The following RAB30 variants were observed in gnomAD, a reference collection of about 807,000 sequenced individuals.
The protein encoded by RAB30 is ras-related protein Rab-30.
Under a neutral mutation model 25.1 loss-of-function variants are expected in RAB30, and 9 were observed. The observed-to-expected ratio is 0.36, with a 90% CI of 0.22 to 0.63. The LOEUF is 0.63. Among genes scored for constraint, RAB30 ranks in the 20% least tolerant of loss-of-function variants. RAB30 has a pLI of 0.69. For synonymous variants in RAB30, 77 were observed against 86.4 expected (o/e 0.89, Z 0.60); for missense variants, 140 against 243.5 (o/e 0.58, Z 2.83).
intron 1 of RAB30, among the ~76,000 whole-genome samples, chr11:83,019,379 A>G (rs1197838952): frequency 6.6e-6 from 1 of 152,198 alleles, no homozygotes; most frequent in Non-Finnish European, 1.5e-5. Flanking sequence ...GCAAAAGTGA[A>G]GATGGAAATT....
At chr11:82,988,496 A>G (rs1856784628) in intron 3 of RAB30, among the ~76,000 whole-genome samples, 1 of 152,222 alleles carries the variant, frequency 6.6e-6, no homozygotes, top group South Asian at 2.1e-4. Flanking sequence ...CTTAAGTTCT[A>G]TGACCTTGGC....
At chr11:83,048,468 CAA>C (rs10650991) in intron 1 of RAB30, among the ~76,000 whole-genome samples, 15 of 119,422 alleles carry the variant, frequency 1.3e-4, no homozygotes, top group Admixed American at 3.5e-4. Flanking sequence ...GACACTGTCT[CAA>C]AAAAAAAAAA....
At chr11:82,982,552 C>T (rs1327216083) in intron 4 of RAB30, 137 bp from the exon 5 acceptor site, 5 of 950,954 alleles carry the variant, frequency 5.3e-6, no homozygotes, top group South Asian at 3.4e-5. Flanking sequence ...ACTGTGATTA[C>T]TGAAATGTTT....
intron 1 of RAB30, among the ~76,000 whole-genome samples, chr11:83,027,101 G>T (rs2121513232): frequency 6.6e-6 from 1 of 152,222 alleles, no homozygotes; most frequent in South Asian, 2.1e-4. Flanking sequence ...GCCTGTCTCT[G>T]GGGAGCACAA....
At chr11:83,022,920 A>T (rs893001523) in intron 1 of RAB30, among the ~76,000 whole-genome samples, 3 of 151,996 alleles carry the variant, frequency 2.0e-5, no homozygotes, top group African/African-American at 7.2e-5. Flanking sequence ...GTGTTATAAC[A>T]TTTGCAACTT....
chr11:83,006,915 A>G (rs935625473), intron 1 of RAB30, among the ~76,000 whole-genome samples: 10 of 152,268 alleles, frequency 6.6e-5, no homozygotes, highest in African/African-American at 2.4e-4. Flanking sequence ...AAGTATCCAC[A>G]GTATGGCAGC....
At chr11:82,987,506 G>A (rs1368921643) in intron 4 of RAB30, 81 bp downstream of exon 4, 1 of 1,322,750 alleles carries the variant, frequency 7.6e-7, no homozygotes, top group African/African-American at 1.5e-5. Context: ...TTCTTGGAAG[G>A]CACCAATGTA....
chr11:83,064,248 C>T (rs987287169), intron 1 of RAB30, among the ~76,000 whole-genome samples: 5 of 152,168 alleles, frequency 3.3e-5, no homozygotes, highest in African/African-American at 1.2e-4. Context: ...TGTGCGCCAC[C>T]ACACCCAGCT....
intron 3 of RAB30, among the ~76,000 whole-genome samples, chr11:82,990,870 G>A (rs983626762): frequency 6.6e-6 from 1 of 151,970 alleles, no homozygotes; most frequent in African/African-American, 2.4e-5. Flanking sequence ...TCTACCAGAG[G>A]TCACCTTCAT....
chr11:82,985,027 G>A (rs1189097866), intron 4 of RAB30, among the ~76,000 whole-genome samples: 3 of 152,208 alleles, frequency 2.0e-5, no homozygotes, highest in Non-Finnish European at 4.4e-5. Flanking sequence ...GCCCAGGCTG[G>A]AGTGCAGTGG....
chr11:83,022,483 T>A (rs1221221990), intron 1 of RAB30, among the ~76,000 whole-genome samples: 1 of 152,182 alleles, frequency 6.6e-6, no homozygotes, highest in Non-Finnish European at 1.5e-5. Context: ...AAAATAAAAC[T>A]GCTAGATCCC....
chr11:83,053,754 A>T (rs1278511289), intron 1 of RAB30, among the ~76,000 whole-genome samples: 5 of 152,232 alleles, frequency 3.3e-5, no homozygotes, highest in Admixed American at 2.0e-4. Flanking sequence ...TAAATTTTCC[A>T]TAAGACTTAA....
intron 4 of RAB30, among the ~76,000 whole-genome samples, chr11:82,985,042 A>G (rs187226012): frequency 2.8e-4 from 43 of 152,192 alleles, no homozygotes; most frequent in African/African-American, 8.9e-4. Context: ...CAGTGGTGCA[A>G]TCTCGGCTCA....
In RAB30 at chr11:82,997,305, T is replaced by A; in HGVS notation, c.12A>T (p.Glu4Asp). ...CAATTTTGAACAGGAAATCATAATCTTCCATACTCATTTACACAGCTGCAA... is the reference window on the plus strand; with the variant it reads ...CAATTTTGAACAGGAAATCATAATCATCCATACTCATTTACACAGCTGCAA... Reference protein sequence around the residue: MSMEDYDFLFKIVL... With the variant: MSMDDYDFLFKIVL... Residue 4 changes from glutamate to aspartate, a missense_variant, in exon 2 of 5, where the codon GAA (glutamate) becomes GAT (aspartate). Glu to Asp is a conservative substitution (Grantham distance 45). Coordinates refer to ENST00000527633, the MANE Select transcript of RAB30 (RefSeq NM_001286060.2). 6.2e-7 allele frequency: 1 copy of A among 1,609,430 alleles called. No homozygotes were observed. The highest frequency in any genetic ancestry group is 8.5e-7 in the Non-Finnish European group (1 of 1,175,738).
intron 1 of RAB30, among the ~76,000 whole-genome samples, chr11:83,023,426 G>A (rs1327911605): frequency 1.3e-5 from 2 of 152,180 alleles, no homozygotes; most frequent in Non-Finnish European, 2.9e-5. Flanking sequence ...CACAAAGCCT[G>A]AGGGTTGTAC....
At chr11:83,055,337 C>G (rs1478207081) in intron 1 of RAB30, among the ~76,000 whole-genome samples, 1 of 152,220 alleles carries the variant, frequency 6.6e-6, no homozygotes, top group East Asian at 1.9e-4. Flanking sequence ...CTGACCACAG[C>G]AAAGATGGCT....
intron 1 of RAB30, among the ~76,000 whole-genome samples, chr11:83,042,333 G>C (rs1308896723): frequency 6.6e-6 from 1 of 151,888 alleles, no homozygotes; most frequent in Admixed American, 6.6e-5. Flanking sequence ...TGGGTGGATT[G>C]CCTGAGCTCA....
intron 2 of RAB30, among the ~76,000 whole-genome samples, chr11:82,994,341 T>G (rs1282210975): frequency 6.6e-6 from 1 of 151,552 alleles, no homozygotes; most frequent in African/African-American, 2.4e-5. Flanking sequence ...AGAGAAATGC[T>G]GAAAGAAGAG....
At position 83,039,662 on chromosome 11, in the gene RAB30, CA is replaced by C. The variant is rs545650081; in HGVS notation, c.-9+32028del. Reference sequence around the variant, plus strand: ...CCACTGTACTCCAGCCTGGGGAAGTCAAAATTCTTGGGGAAGTCAAAACTCT... The same window carrying C: ...CCACTGTACTCCAGCCTGGGGAAGTCAAATTCTTGGGGAAGTCAAAACTCT... On this transcript the variant is annotated intron_variant, in intron 1 of 4. Transcript: ENST00000527633. 1.2e-3 allele frequency among the ~76,000 whole-genome samples: 185 copies of C among 152,050 alleles called. 1 individual carries two copies. Among genetic ancestry groups the C allele is most frequent in the Non-Finnish European group, 2.2e-3 (148 of 67,970 alleles).
Sources: allele counts gnomAD v4.1 joint callset (sites outside exome capture counted in the v4.1 genomes callset), GRCh38; gene constraint gnomAD v4.1.1; transcripts MANE v1.5; gene names NCBI Gene and HGNC (gene_info 2026-07-23, HGNC 2026-07-21).